The following MAGI1 variants were observed in gnomAD, a reference collection of about 807,000 sequenced individuals.
MAGI1 encodes membrane-associated guanylate kinase, WW and PDZ domain-containing protein 1.
A neutral mutation model predicts 139.9 loss-of-function variants in MAGI1; 58 were observed. That is an observed-to-expected ratio of 0.41 (90% CI 0.34 to 0.52). MAGI1 has a LOEUF of 0.52. MAGI1 is among the 20% of genes least tolerant of loss of function. MAGI1 has a pLI of 0.12. For missense variants in MAGI1, 1,874 were observed against 1,901.6 expected (o/e 0.99, Z 0.27); for synonymous variants, 812 against 737.9 (o/e 1.10, Z -1.63).
chr3:65,504,987 GA>G (rs1193053239), intron 2 of MAGI1, among the ~76,000 whole-genome samples: 1 of 152,176 alleles, frequency 6.6e-6, no homozygotes, highest in Admixed American at 6.5e-5. Flanking sequence ...TAAAGGATAA[GA>G]ATCTTCAGCA....
At chr3:65,436,506 T>C (rs1947865357) in intron 10 of MAGI1, among the ~76,000 whole-genome samples, 1 of 152,140 alleles carries the variant, frequency 6.6e-6, no homozygotes, top group Non-Finnish European at 1.5e-5. Flanking sequence ...TATTGAAACG[T>C]TGTAAACATG....
chr3:65,624,879 T>C (rs1323219174), intron 1 of MAGI1, among the ~76,000 whole-genome samples: 1 of 152,120 alleles, frequency 6.6e-6, no homozygotes, highest in African/African-American at 2.4e-5. Context: ...CAATATAATA[T>C]TTTCTTTTTT....
chr3:66,023,160 T>C (rs1002413166), intron 1 of MAGI1, among the ~76,000 whole-genome samples: 1 of 152,172 alleles, frequency 6.6e-6, no homozygotes, highest in East Asian at 1.9e-4. Context: ...CATCAGAAGT[T>C]CTGGATTACA....
At chr3:65,866,316 C>T (rs35658293) in intron 1 of MAGI1, among the ~76,000 whole-genome samples, 2,766 of 146,818 alleles carry the variant, frequency 0.019, 46 homozygotes, top group Non-Finnish European at 0.029. Context: ...TGGGCTCAAG[C>T]GGTCCTCCCA....
Position 65,437,162 on chromosome 3 carries a change from T to C in MAGI1, c.1356A>G (p.Pro452=), listed in dbSNP as rs1378775854. Residue 452 remains proline (P), a synonymous_variant, in exon 10 of 23, where the codon CCA becomes CCG. Coordinates refer to ENST00000402939, the MANE Select transcript of MAGI1 (RefSeq NM_001033057.2). ...GAAAGACAAGTACTTTACCCTGAAG[T>C]GGAACTTCTCTGGCTGGCTCTGGAT... The part of the protein sequence containing the change: ...PSNPEPAREV[P]LQGKPFFTRN... 5 of 1,602,066 alleles carry C rather than the reference T, an allele frequency of 3.1e-6. No homozygotes were observed. The highest frequency in any genetic ancestry group is 1.7e-5 in the Admixed American group (1 of 59,764).
intron 2 of MAGI1, among the ~76,000 whole-genome samples, chr3:65,545,186 C>CA (rs534585514): frequency 6.6e-6 from 1 of 151,910 alleles, no homozygotes; most frequent in Non-Finnish European, 1.5e-5. Flanking sequence ...CATGAGAAAG[C>CA]AAAAAATTTA....
At chr3:65,589,473 C>T (rs2081858378) in intron 2 of MAGI1, among the ~76,000 whole-genome samples, 1 of 152,100 alleles carries the variant, frequency 6.6e-6, no homozygotes, top group Non-Finnish European at 1.5e-5. Flanking sequence ...CTTTCTCTCC[C>T]TAAATATTTA....
chr3:65,433,791 G>C (rs148658384), intron 10 of MAGI1, among the ~76,000 whole-genome samples: 1 of 151,974 alleles, frequency 6.6e-6, no homozygotes, highest in African/African-American at 2.4e-5. Context: ...CTGCCAGGAT[G>C]GGGGGAGGGG....
At chr3:65,553,942 T>C (rs996982869) in intron 2 of MAGI1, among the ~76,000 whole-genome samples, 6 of 152,214 alleles carry the variant, frequency 3.9e-5, no homozygotes, top group Non-Finnish European at 7.3e-5. Context: ...TGAGACAATA[T>C]AGGCAAATCA....
At chr3:65,954,343 C>T (rs1403218906) in intron 1 of MAGI1, 1 of 152,524 alleles carries the variant, frequency 6.6e-6, no homozygotes, top group Non-Finnish European at 1.5e-5. Flanking sequence ...AGGGCCTAGG[C>T]AGCAGGCCAG....
intron 10 of MAGI1, among the ~76,000 whole-genome samples, chr3:65,434,323 A>C (rs574330437): frequency 6.6e-6 from 1 of 152,294 alleles, no homozygotes; most frequent in African/African-American, 2.4e-5. Context: ...CTGGCACATA[A>C]TAAGAGCTCA....
intron 1 of MAGI1, among the ~76,000 whole-genome samples, chr3:65,955,919 T>C (rs1326149982): frequency 6.6e-6 from 1 of 152,078 alleles, no homozygotes; most frequent in Admixed American, 6.6e-5. Context: ...GCAAAACTTC[T>C]CTGTGTCAAA....
At chr3:65,609,524 C>T (rs930165827) in intron 2 of MAGI1, among the ~76,000 whole-genome samples, 2 of 152,082 alleles carry the variant, frequency 1.3e-5, no homozygotes, top group African/African-American at 4.8e-5. Context: ...AGCAATCCAC[C>T]TGCCTCAGCC....
intron 1 of MAGI1, among the ~76,000 whole-genome samples, chr3:65,690,618 G>T (rs1460136071): frequency 6.6e-6 from 1 of 150,478 alleles, no homozygotes; most frequent in Non-Finnish European, 1.5e-5. Context: ...CTGCCACCAT[G>T]CCCGGCTCAT....
At chr3:65,725,447 A>C (rs2033498393) in intron 1 of MAGI1, among the ~76,000 whole-genome samples, 1 of 152,188 alleles carries the variant, frequency 6.6e-6, no homozygotes, top group Non-Finnish European at 1.5e-5. Context: ...GGTATCACAG[A>C]TCTTGTTACA....
At chr3:65,370,262 C>T (rs1443879424) in intron 18 of MAGI1, among the ~76,000 whole-genome samples, 5 of 151,950 alleles carry the variant, frequency 3.3e-5, no homozygotes, top group African/African-American at 7.2e-5. Context: ...AGCGAGACTC[C>T]GTCTCAAAAA....
chr3:65,404,721 G>C (rs920760499), intron 12 of MAGI1, among the ~76,000 whole-genome samples: 9 of 152,142 alleles, frequency 5.9e-5, no homozygotes, highest in African/African-American at 2.2e-4. Context: ...AGACCTAACA[G>C]AAAAGACTCA....
rs2041775205 is a variant in MAGI1, at chr3:65,818,937, C to A, written c.314-196849G>T. On this transcript the variant is annotated intron_variant, in intron 1 of 22. Coordinates refer to ENST00000402939, the MANE Select transcript of MAGI1 (RefSeq NM_001033057.2). ...ATTGAATTCCATTCATACTAGAAAA[C>A]ATATCTATTTAACTGTACCCTCAGA... 2.0e-5 allele frequency among the ~76,000 whole-genome samples: 3 copies of A among 152,122 alleles called. No homozygotes were observed. In the South Asian group the frequency reaches 6.2e-4, roughly 32 times the overall value.
intron 18 of MAGI1, among the ~76,000 whole-genome samples, chr3:65,368,612 A>G (rs1429472232): frequency 6.6e-6 from 1 of 152,232 alleles, no homozygotes; most frequent in Non-Finnish European, 1.5e-5. Flanking sequence ...AACAAAGGAT[A>G]CAATTATTCC....
Sources: allele counts gnomAD v4.1 joint callset (sites outside exome capture counted in the v4.1 genomes callset), GRCh38; gene constraint gnomAD v4.1.1; transcripts MANE v1.5; gene names NCBI Gene and HGNC (gene_info 2026-07-23, HGNC 2026-07-21).